The following FAM81B variants were observed in gnomAD, a reference collection of about 807,000 sequenced individuals.
FAM81B encodes the protein family with sequence similarity 81 member B, also known as protein FAM81B.
Under a neutral mutation model 58.7 loss-of-function variants are expected in FAM81B, and 60 were observed. That is an observed-to-expected ratio of 1.02 (90% CI 0.83 to 1.27). FAM81B has a LOEUF of 1.27. Ranked by LOEUF, FAM81B falls within the 50% of genes most tolerant of loss-of-function variation. The pLI is 0.00. For synonymous variants in FAM81B, 189 were observed against 179.6 expected (o/e 1.05, Z -0.42); for missense variants, 491 against 522.0 (o/e 0.94, Z 0.58).
chr5:95,407,421 CGCGT>C (rs1238277366), intron 3 of FAM81B, among the ~76,000 whole-genome samples: 1 of 150,642 alleles, frequency 6.6e-6, no homozygotes, highest in African/African-American at 2.5e-5. Context: ...CACACACACA[CGCGT>C]GCGCGCACAC....
chr5:95,436,772 T>A, intron 6 of FAM81B, 28 bp from the exon 7 acceptor site: 1 of 1,478,826 alleles, frequency 6.8e-7, no homozygotes, highest in Non-Finnish European at 9.5e-7. Context: ...TTTGTTCATA[T>A]GCACAAACCC....
At chr5:95,432,449 A>G (rs1269406556) in intron 6 of FAM81B, among the ~76,000 whole-genome samples, 1 of 152,140 alleles carries the variant, frequency 6.6e-6, no homozygotes, top group African/African-American at 2.4e-5. Flanking sequence ...AAAGAGTATT[A>G]TAAGTATTCT....
intron 4 of FAM81B, among the ~76,000 whole-genome samples, chr5:95,418,668 G>A (rs1390008108): frequency 6.6e-6 from 1 of 152,146 alleles, no homozygotes; most frequent in African/African-American, 2.4e-5. Flanking sequence ...ACTATATGAG[G>A]TTTTGGGCAT....
At chr5:95,440,410 T>A in intron 7 of FAM81B, 7 of 668,380 alleles carry the variant, frequency 1.0e-5, no homozygotes, top group Middle Eastern at 2.7e-4. Context: ...GACGATTACC[T>A]GGTAATGCCT....
At chr5:95,423,411 T>C (rs1250435217) in intron 5 of FAM81B, among the ~76,000 whole-genome samples, 3 of 151,064 alleles carry the variant, frequency 2.0e-5, no homozygotes. Context: ...TCAGGTGAAG[T>C]GCAAAAAAGG....
chr5:95,434,017 CA>C (rs1182362276), intron 6 of FAM81B, among the ~76,000 whole-genome samples: 3 of 152,166 alleles, frequency 2.0e-5, no homozygotes, highest in Admixed American at 2.0e-4. Flanking sequence ...CATCAATCCC[CA>C]TACCTTTTGT....
At chr5:95,439,323 C>T (rs1400181838) in intron 7 of FAM81B, among the ~76,000 whole-genome samples, 2 of 145,564 alleles carry the variant, frequency 1.4e-5, no homozygotes, top group Non-Finnish European at 1.5e-5. Context: ...TACACTTCGA[C>T]CAGCAATGTA....
rs1745572065 is a variant in FAM81B, at chr5:95,446,605, A to G, written c.937A>G (p.Asn313Asp). The G allele has an allele frequency of 6.2e-7, 1 of 1,612,358 alleles. No homozygotes were observed. The highest frequency in any genetic ancestry group is 8.5e-7 in the Non-Finnish European group (1 of 1,179,258). Residue 313 changes from asparagine (N) to aspartate (D), a missense_variant, in exon 8 of 10, where the codon AAT becomes GAT. Asn to Asp is a conservative substitution (Grantham distance 23, BLOSUM62 1). Transcript: ENST00000283357. ...SSNLYEEVEN[N>D]KKWTENQFLK... is the part of the protein sequence containing the mutation. ...TAATCTGTACGAAGAAGTTGAGAAT[A>G]ATAAAAAATGGACAGAAAACCAATT...
chr5:95,393,977 T>A (rs537975636), intron 2 of FAM81B, among the ~76,000 whole-genome samples: 2 of 152,190 alleles, frequency 1.3e-5, no homozygotes, highest in African/African-American at 4.8e-5. Flanking sequence ...CTGACTCTTA[T>A]GTTCAATTAG....
At chr5:95,433,443 G>A (rs1294194831) in intron 6 of FAM81B, among the ~76,000 whole-genome samples, 1 of 152,034 alleles carries the variant, frequency 6.6e-6, no homozygotes, top group Non-Finnish European at 1.5e-5. Context: ...TGACATGTAG[G>A]GATTATGGGA....
intron 4 of FAM81B, among the ~76,000 whole-genome samples, chr5:95,419,285 T>C (rs530387613): frequency 6.6e-6 from 1 of 152,332 alleles, no homozygotes; most frequent in South Asian, 2.1e-4. Context: ...ATAAAAATTC[T>C]TCCTTTCCTA....
chr5:95,436,555 T>C (rs1366524124), intron 6 of FAM81B, among the ~76,000 whole-genome samples: 2 of 152,210 alleles, frequency 1.3e-5, no homozygotes, highest in African/African-American at 2.4e-5. Context: ...TCAAAAAGAA[T>C]ATTCTAGACA....
intron 5 of FAM81B, among the ~76,000 whole-genome samples, chr5:95,427,039 AC>A (rs930119738): frequency 2.0e-5 from 3 of 150,300 alleles, no homozygotes; most frequent in Non-Finnish European, 4.4e-5. Context: ...ATAGAGCAAG[AC>A]TCCGTCTCAA....
Position 95,402,696 on chromosome 5 carries a change from G to A in FAM81B, c.293+6521G>A, listed in dbSNP as rs184887755. Among the ~76,000 whole-genome samples the A allele has an allele frequency of 2.6e-5, 4 of 152,222 alleles. No individual in the cohort carries two copies. In the East Asian group the frequency reaches 7.7e-4, roughly 29 times the overall value. ...ACAAGACCACAGACCTGCTGGCTTGGGTCTGCCCTCGCATTGCTCTCTCTG... is the reference window on the plus strand; with the variant it reads ...ACAAGACCACAGACCTGCTGGCTTGAGTCTGCCCTCGCATTGCTCTCTCTG... On this transcript the variant is annotated intron_variant, in intron 3 of 9. Transcript: ENST00000283357.
chr5:95,410,052 C>A (rs565337886), intron 3 of FAM81B, among the ~76,000 whole-genome samples: 37 of 152,278 alleles, frequency 2.4e-4, no homozygotes, highest in African/African-American at 8.9e-4. Context: ...TATGACATAG[C>A]TTCAGCCAAT....
chr5:95,392,255 G>A (rs902885986), intron 1 of FAM81B, among the ~76,000 whole-genome samples: 10 of 152,172 alleles, frequency 6.6e-5, no homozygotes, highest in African/African-American at 2.2e-4. Context: ...ACACAGGAAC[G>A]GAAAACCAAA....
In FAM81B at chr5:95,392,841, C is replaced by A. The variant is rs765118150; in HGVS notation, c.172C>A (p.Gln58Lys). 15 of 1,612,450 alleles carry A rather than the reference C, an allele frequency of 9.3e-6. No individual in the cohort carries two copies. The South Asian group carries it at 1.5e-4, about 17-fold the overall frequency. Residue 58 changes from glutamine (Q) to lysine (K), a missense_variant, in exon 2 of 10, where the codon CAG (glutamine) becomes AAG (lysine). Physicochemically the swap from Gln to Lys is moderately conservative, Grantham distance 53. Coordinates refer to ENST00000283357, the MANE Select transcript of FAM81B (RefSeq NM_152548.3). ...CTCTCCAACTGCGACTGCAGAGGAA[C>A]AGCCAGTTGAACCTGATGGCCCCCT... is the stretch of plus-strand genomic sequence containing the variant. The part of the protein sequence containing the change: ...SASPTATAEE[Q>K]PVEPDGPLPG...
chr5:95,395,096 A>G (rs1308479293), intron 2 of FAM81B, among the ~76,000 whole-genome samples: 1 of 152,186 alleles, frequency 6.6e-6, no homozygotes, highest in Non-Finnish European at 1.5e-5. Flanking sequence ...GGCTATTAAA[A>G]TTAGGATAAA....
intron 5 of FAM81B, among the ~76,000 whole-genome samples, chr5:95,423,432 C>A (rs1004962042): frequency 1.3e-5 from 2 of 150,984 alleles, no homozygotes; most frequent in African/African-American, 4.9e-5. Context: ...AAAAGGCGAG[C>A]ATGGGAAGGG....
Sources: allele counts gnomAD v4.1 joint callset (sites outside exome capture counted in the v4.1 genomes callset), GRCh38; gene constraint gnomAD v4.1.1; transcripts MANE v1.5; gene names NCBI Gene and HGNC (gene_info 2026-07-23, HGNC 2026-07-21).